KSR2: variants seen among roughly 807,000 people sequenced by gnomAD.
KSR2 encodes the protein kinase suppressor of ras 2.
In KSR2, 25 loss-of-function variants were observed where a neutral mutation model predicts 107.8. The observed-to-expected ratio is 0.23, with a 90% confidence interval of 0.17 to 0.32. The LOEUF (loss-of-function observed/expected upper bound fraction) is 0.32. KSR2 is among the 10% of genes least tolerant of loss of function. The pLI is 1.00. For synonymous variants in KSR2, 480 were observed against 507.0 expected (o/e 0.95, Z 0.71); for missense variants, 887 against 1,268.9 (o/e 0.70, Z 4.57).
rs73208195 is a variant in KSR2, at chr12:117,455,173, A to G, written c.*12026T>C. The stretch of plus-strand genomic sequence containing the variant: ...ACTCTCCTCAGACATCTTCCCCCAC[A>G]GGACACCAAGGCTAACAGTAGGAAC... On this transcript the variant is annotated 3_prime_UTR_variant, in exon 20 of 20. Transcript: ENST00000339824. 4,887 of 152,452 alleles carry G rather than the reference A, an allele frequency of 0.032. 117 individuals carry two copies. The highest frequency in any genetic ancestry group is 0.048 in the Non-Finnish European group (3,239 of 68,122). 9.4% of individuals were successfully genotyped at this position (152,452 alleles called of 1,614,324 possible).
At chr12:117,530,360 C>T (rs1875528094) in intron 12 of KSR2, among the ~76,000 whole-genome samples, 1 of 152,172 alleles carries the variant, frequency 6.6e-6, no homozygotes, top group Non-Finnish European at 1.5e-5. Flanking sequence ...GCAAGCCATA[C>T]AGATTATGTT....
Position 117,662,964 on chromosome 12 carries a change from G to A in KSR2, c.1171+4510C>T, listed in dbSNP as rs113916016. On this transcript the variant is annotated intron_variant, in intron 5 of 19. Coordinates refer to ENST00000339824, the MANE Select transcript of KSR2 (RefSeq NM_173598.6). ...CTTTCTGCAACTGCCTGGCCCCTAC[G>A]GGGATGGCTACAACCTGGGACGACA... 6.6e-4 allele frequency among the ~76,000 whole-genome samples: 100 copies of A among 152,302 alleles called. No homozygotes were observed. In the East Asian group the frequency reaches 0.014, roughly 22 times the overall value.
intron 3 of KSR2, among the ~76,000 whole-genome samples, 173 bp from the exon 4 acceptor site, chr12:117,761,697 T>C (rs1333674417): frequency 1.3e-5 from 2 of 152,130 alleles, no homozygotes; most frequent in African/African-American, 4.8e-5. Flanking sequence ...ATGCAAATTA[T>C]ATCTTATGCA....
At chr12:117,876,824 C>T (rs10850916) in intron 1 of KSR2, among the ~76,000 whole-genome samples, 23,839 of 150,608 alleles carry the variant, frequency 0.16, 2,532 homozygotes, top group East Asian at 0.46. Flanking sequence ...ATCCCTTATC[C>T]GAAATACTTG....
At chr12:117,868,084 G>A (rs1323885722) in intron 1 of KSR2, among the ~76,000 whole-genome samples, 1 of 152,160 alleles carries the variant, frequency 6.6e-6, no homozygotes, top group African/African-American at 2.4e-5. Flanking sequence ...ATCCCTTAAA[G>A]GGTTAAGGTG....
At chr12:117,766,039 C>T (rs189596636) in intron 3 of KSR2, among the ~76,000 whole-genome samples, 5 of 152,194 alleles carry the variant, frequency 3.3e-5, no homozygotes, top group East Asian at 1.9e-4. Context: ...ACTCTCACTG[C>T]AGTTCCATCC....
intron 1 of KSR2, among the ~76,000 whole-genome samples, chr12:117,895,492 G>T (rs1409130031): frequency 2.0e-5 from 3 of 152,080 alleles, no homozygotes; most frequent in Non-Finnish European, 4.4e-5. Flanking sequence ...GGCAGTGTTG[G>T]AATCTGGCAT....
At position 117,497,244 on chromosome 12, in the gene KSR2, C is replaced by T. The variant is rs117589429; in HGVS notation, c.2220-11553G>A. ...TGACAAGAAGGGCTGACTCTTTGCTCGAATGAGCTGACATTCTCATGAGGA... is the reference window on the plus strand; with the variant it reads ...TGACAAGAAGGGCTGACTCTTTGCTTGAATGAGCTGACATTCTCATGAGGA... On this transcript the variant is annotated intron_variant, in intron 14 of 19. Transcript: ENST00000339824. Among the ~76,000 whole-genome samples the T allele has an allele frequency of 3.6e-4, 54 of 152,072 alleles. 2 individuals carry two copies. The East Asian group carries it at 8.5e-3, about 24-fold the overall frequency.
chr12:117,890,372 A>G (rs956501446), intron 1 of KSR2, among the ~76,000 whole-genome samples: 1 of 152,186 alleles, frequency 6.6e-6, no homozygotes, highest in African/African-American at 2.4e-5. Flanking sequence ...CCACATGTCC[A>G]CAGAGCACCA....
chr12:117,616,670 A>T (rs991150429), intron 5 of KSR2, among the ~76,000 whole-genome samples: 4 of 152,188 alleles, frequency 2.6e-5, no homozygotes, highest in African/African-American at 9.7e-5. Context: ...AGGTTGGATG[A>T]GGTCTTTACT....
chr12:117,862,437 G>A (rs1214731042), intron 1 of KSR2, among the ~76,000 whole-genome samples: 6 of 152,088 alleles, frequency 3.9e-5, no homozygotes, highest in Non-Finnish European at 4.4e-5. Flanking sequence ...TGGCCAAGGC[G>A]GGAGGACTGC....
chr12:117,899,377 C>T (rs1894613625), intron 1 of KSR2, among the ~76,000 whole-genome samples: 1 of 152,020 alleles, frequency 6.6e-6, no homozygotes, highest in Non-Finnish European at 1.5e-5. Flanking sequence ...CCTGTAGTCC[C>T]AGCTACTCAG....
intron 5 of KSR2, among the ~76,000 whole-genome samples, chr12:117,593,538 C>T (rs537027806): frequency 2.0e-5 from 3 of 152,306 alleles, no homozygotes; most frequent in Admixed American, 2.0e-4. Flanking sequence ...CTCTTTTGCC[C>T]GAGTTGGAAT....
chr12:117,866,176 A>C (rs2137266591), intron 1 of KSR2, among the ~76,000 whole-genome samples: 1 of 152,120 alleles, frequency 6.6e-6, no homozygotes, highest in Admixed American at 6.5e-5. Flanking sequence ...AGCTGGGACA[A>C]CAGGTATGTG....
chr12:117,595,517 A>C (rs534966907), intron 5 of KSR2, among the ~76,000 whole-genome samples: 1 of 151,722 alleles, frequency 6.6e-6, no homozygotes, highest in African/African-American at 2.4e-5. Flanking sequence ...GGCGCCCGCC[A>C]CCGCGCCCGG....
intron 14 of KSR2, among the ~76,000 whole-genome samples, chr12:117,486,808 G>A (rs985506267): frequency 3.3e-5 from 5 of 152,090 alleles, no homozygotes; most frequent in Non-Finnish European, 7.4e-5. Context: ...TTTCCTCATC[G>A]ATCAAAGGAA....
chr12:117,628,126 C>T (rs562542542), intron 5 of KSR2, among the ~76,000 whole-genome samples: 2 of 152,252 alleles, frequency 1.3e-5, no homozygotes, highest in African/African-American at 2.4e-5. Flanking sequence ...AGGTTTTTAG[C>T]TTCCTTGTGG....
At chr12:117,577,787 G>A (rs1879376366) in intron 7 of KSR2, among the ~76,000 whole-genome samples, 1 of 152,192 alleles carries the variant, frequency 6.6e-6, no homozygotes. Flanking sequence ...CTCCCACCAA[G>A]TCCCTCCCAT....
At chr12:117,841,686 C>T (rs567185845) in intron 3 of KSR2, among the ~76,000 whole-genome samples, 1 of 152,174 alleles carries the variant, frequency 6.6e-6, no homozygotes, top group Non-Finnish European at 1.5e-5. Context: ...TCATTCCCAC[C>T]ACTTTTTTAT....
Sources: allele counts gnomAD v4.1 joint callset (sites outside exome capture counted in the v4.1 genomes callset), GRCh38; gene constraint gnomAD v4.1.1; transcripts MANE v1.5; gene names NCBI Gene and HGNC (gene_info 2026-07-23, HGNC 2026-07-21).